Variants in IL1RAPL1 observed in about 807,000 individuals in gnomAD.
IL1RAPL1 encodes interleukin 1 receptor accessory protein like 1, also known as interleukin-1 receptor accessory protein-like 1.
A neutral mutation model predicts 48.4 loss-of-function variants in IL1RAPL1; 3 were observed. That is an observed-to-expected ratio of 0.06 (90% CI 0.03 to 0.16). The LOEUF is 0.16. Ranked by LOEUF, IL1RAPL1 falls within the 10% of genes least tolerant of loss-of-function variation. The pLI, the probability that IL1RAPL1 is intolerant of heterozygous loss-of-function variation, is 1.00. For synonymous variants in IL1RAPL1, 185 were observed against 187.7 expected (o/e 0.99, Z 0.12); for missense variants, 349 against 530.6 (o/e 0.66, Z 3.36).
chrX:28,684,835 G>T (rs947624605), intron 1 of IL1RAPL1, among the ~76,000 whole-genome samples: 1 of 111,917 alleles, frequency 8.9e-6, no homozygotes, highest in African/African-American at 3.2e-5. Context: ...GCTTAGAAAA[G>T]AAGTGAAACT....
At chrX:29,613,443 G>T (rs1354960492) in intron 5 of IL1RAPL1, among the ~76,000 whole-genome samples, 1 of 110,429 alleles carries the variant, frequency 9.1e-6, no homozygotes, top group African/African-American at 3.3e-5. Flanking sequence ...CATTTCTTAT[G>T]CAGAGCTACT....
intron 1 of IL1RAPL1, among the ~76,000 whole-genome samples, chrX:28,700,967 G>A (rs913012002): frequency 4.5e-5 from 5 of 111,537 alleles, no homozygotes; most frequent in African/African-American, 1.6e-4. Context: ...TGGGCATTAG[G>A]GTTGGTTCCA....
At chrX:28,989,405 T>C (rs1925548734) in intron 2 of IL1RAPL1, among the ~76,000 whole-genome samples, 1 of 112,848 alleles carries the variant, frequency 8.9e-6, no homozygotes, top group Non-Finnish European at 1.9e-5. Flanking sequence ...AGAAAATAAA[T>C]TTGAAAACTA....
chrX:28,990,537 A>C lies in IL1RAPL1; in HGVS notation c.82+201112A>C, dbSNP rs189376701. On this transcript the variant is annotated intron_variant, in intron 2 of 10. Transcript: ENST00000378993. ...TATCTGAAGCTTAAGTTTCCTACTT[A>C]GTTTTTTCCTGTTGCTCACTTTTGA... Among the ~76,000 whole-genome samples, 580 of 111,885 alleles carry C rather than the reference A, an allele frequency of 5.2e-3. 11 individuals carry two copies. The highest frequency in any genetic ancestry group is 0.048 in the Admixed American group (501 of 10,472).
chrX:29,436,840 G>T (rs1397181951), intron 5 of IL1RAPL1, among the ~76,000 whole-genome samples: 1 of 110,645 alleles, frequency 9.0e-6, no homozygotes, highest in South Asian at 3.7e-4. Context: ...ATCATACTGT[G>T]TTATTTAAAA....
At chrX:29,853,315 G>A (rs1931411323) in intron 6 of IL1RAPL1, among the ~76,000 whole-genome samples, 1 of 107,599 alleles carries the variant, frequency 9.3e-6, no homozygotes, top group Non-Finnish European at 1.9e-5. Flanking sequence ...CAACAAAGTG[G>A]AACCCAGTCT....
intron 5 of IL1RAPL1, among the ~76,000 whole-genome samples, chrX:29,665,120 G>A (rs181877598): frequency 4.7e-4 from 53 of 112,415 alleles, no homozygotes; most frequent in African/African-American, 1.6e-3. Context: ...ATTGCTGTGG[G>A]TTTTTGTGGA....
chrX:29,374,310 TTTTA>T (rs1933589348), intron 3 of IL1RAPL1, among the ~76,000 whole-genome samples: 2 of 98,552 alleles, frequency 2.0e-5, no homozygotes, highest in Admixed American at 1.1e-4. Context: ...TTTTTTTTTT[TTTTA>T]ACATTGAGGA....
At chrX:29,132,176 C>T (rs1602071957) in intron 2 of IL1RAPL1, among the ~76,000 whole-genome samples, 1 of 110,626 alleles carries the variant, frequency 9.0e-6, no homozygotes. Context: ...TTCCAAAATC[C>T]AAAAAAAGTC....
chrX:29,477,667 T>G (rs1934992762), intron 5 of IL1RAPL1, among the ~76,000 whole-genome samples: 1 of 111,825 alleles, frequency 8.9e-6, no homozygotes, highest in Non-Finnish European at 1.9e-5. Context: ...TTATCCCCAT[T>G]TTATAGAAGA....
At chrX:29,876,380 G>A (rs1406607046) in intron 6 of IL1RAPL1, among the ~76,000 whole-genome samples, 1 of 111,610 alleles carries the variant, frequency 9.0e-6, no homozygotes, top group African/African-American at 3.3e-5. Context: ...CTGAGAAAGC[G>A]AAATAGGGTT....
At chrX:28,665,734 A>C (rs1390891017) in intron 1 of IL1RAPL1, among the ~76,000 whole-genome samples, 2 of 111,661 alleles carry the variant, frequency 1.8e-5, no homozygotes, top group African/African-American at 6.5e-5. Flanking sequence ...CAGGTGATCC[A>C]CCTGCCTAAG....
In IL1RAPL1 at chrX:29,780,635, G is replaced by A. The variant is rs1929316718; in HGVS notation, c.778+112131G>A. Among the ~76,000 whole-genome samples, 2 of 111,275 alleles carry A rather than the reference G, an allele frequency of 1.8e-5. 1 individual carries two copies. Among genetic ancestry groups the A allele is most frequent in the Admixed American group, 1.9e-4 (2 of 10,411 alleles). ...AAAGGGAAAATCAGGCAGCATAATA[G>A]CTGAGCTAATTAGGCTCAGACCATT... On this transcript the variant is annotated intron_variant, in intron 6 of 10. Transcript: ENST00000378993.
chrX:29,606,588 A>G lies in IL1RAPL1; in HGVS notation c.704-61842A>G, dbSNP rs778506278. Reference sequence around the variant, plus strand: ...CGCACATTATTGGTCATCCATGAATAAACATTTAACTCTACATAGCAGTTA... The same window carrying G: ...CGCACATTATTGGTCATCCATGAATGAACATTTAACTCTACATAGCAGTTA... On this transcript the variant is annotated intron_variant, in intron 5 of 10. Transcript: ENST00000378993. Among the ~76,000 whole-genome samples, 8 of 112,188 alleles carry G rather than the reference A, an allele frequency of 7.1e-5. No homozygotes were observed. In the South Asian group the frequency reaches 3.0e-3, roughly 41 times the overall value.
At chrX:29,620,024 G>T (rs1363459089) in intron 5 of IL1RAPL1, among the ~76,000 whole-genome samples, 2 of 111,424 alleles carry the variant, frequency 1.8e-5, no homozygotes, top group African/African-American at 6.5e-5. Flanking sequence ...CAAGCCTATT[G>T]GATATGGTGG....
At chrX:28,957,009 G>A (rs1325496032) in intron 2 of IL1RAPL1, among the ~76,000 whole-genome samples, 1 of 110,815 alleles carries the variant, frequency 9.0e-6, no homozygotes, top group African/African-American at 3.3e-5. Context: ...ATGTGTCGAG[G>A]AATGTATCCA....
intron 2 of IL1RAPL1, among the ~76,000 whole-genome samples, chrX:29,178,183 T>C (rs933666558): frequency 8.9e-6 from 1 of 112,008 alleles, no homozygotes; most frequent in Non-Finnish European, 1.9e-5. Flanking sequence ...TCTTTCACAA[T>C]GGTTGAACTA....
At chrX:29,157,022 G>C (rs1654119618) in intron 2 of IL1RAPL1, among the ~76,000 whole-genome samples, 1 of 111,826 alleles carries the variant, frequency 8.9e-6, no homozygotes, top group Non-Finnish European at 1.9e-5. Flanking sequence ...CTGAGAAAGA[G>C]TGGAGAAAAA....
chrX:29,830,441 T>C (rs1569181032), intron 6 of IL1RAPL1, among the ~76,000 whole-genome samples: 2 of 110,148 alleles, frequency 1.8e-5, no homozygotes, highest in African/African-American at 6.6e-5. Flanking sequence ...CATTTACCAA[T>C]TCTGACTCTT....
Sources: allele counts gnomAD v4.1 joint callset (sites outside exome capture counted in the v4.1 genomes callset), GRCh38; gene constraint gnomAD v4.1.1; transcripts MANE v1.5; gene names NCBI Gene and HGNC (gene_info 2026-07-23, HGNC 2026-07-21).